TDRD1: variants seen among roughly 807,000 people sequenced by gnomAD.
The protein encoded by TDRD1 is tudor domain containing 1.
A neutral mutation model predicts 140.6 loss-of-function variants in TDRD1; 37 were observed. The observed-to-expected ratio is 0.26, with a 90% CI of 0.20 to 0.35. The LOEUF is 0.35. Ranked by LOEUF, TDRD1 falls within the 10% of genes least tolerant of loss-of-function variation. The probability of loss-of-function intolerance (pLI) is 1.00; values close to 1 mark genes in which losing one functional copy is unlikely to be tolerated. For missense variants in TDRD1, 1,243 were observed against 1,393.0 expected, an observed-to-expected ratio of 0.89 and a Z score of 1.71; for synonymous variants, 506 against 475.7, an observed-to-expected ratio of 1.06 and a Z score of -0.83.
chr10:114,201,190 A>G (rs1051364039), intron 4 of TDRD1, among the ~76,000 whole-genome samples: 1 of 152,132 alleles, frequency 6.6e-6, no homozygotes. Flanking sequence ...TCTGAGGTCT[A>G]TTAGGAAACT....
chr10:114,197,185 T>C (rs2034423581), intron 3 of TDRD1, among the ~76,000 whole-genome samples: 1 of 152,098 alleles, frequency 6.6e-6, no homozygotes, highest in African/African-American at 2.4e-5. Flanking sequence ...CCCTACCTTC[T>C]TTTGCCTTTC....
chr10:114,220,980 A>G, intron 19 of TDRD1, 137 bp downstream of exon 19: 2 of 608,836 alleles, frequency 3.3e-6, no homozygotes, highest in Non-Finnish European at 5.7e-6. Flanking sequence ...TTAATATTGT[A>G]TTATTATTAA....
At chr10:114,227,401 T>TCTC (rs768353465) in intron 23 of TDRD1, 102 bp downstream of exon 23, 7 of 846,122 alleles carry the variant, frequency 8.3e-6, no homozygotes, top group African/African-American at 1.7e-5. Flanking sequence ...TGCCATACTC[T>TCTC]CTCCTCCTCC....
At chr10:114,217,604 C>A in exon 17 of TDRD1, 5 of 1,605,372 alleles carry the variant, frequency 3.1e-6, no homozygotes, top group Non-Finnish European at 4.2e-6. Flanking sequence ...GCAGAAGTTA[C>A]CTAATGGTTT....
intron 1 of TDRD1, among the ~76,000 whole-genome samples, chr10:114,183,754 G>A (rs1202336264): frequency 4.2e-5 from 6 of 144,514 alleles, no homozygotes; most frequent in Non-Finnish European, 8.9e-5. Flanking sequence ...AAGCTGGAGT[G>A]CAGTGGCGCA....
chr10:114,186,035 A>G (rs1358122364), intron 1 of TDRD1, among the ~76,000 whole-genome samples: 3 of 152,224 alleles, frequency 2.0e-5, no homozygotes, highest in African/African-American at 7.2e-5. Flanking sequence ...AACTAAGACT[A>G]ACTCATTGAT....
At chr10:114,221,295 T>C in intron 19 of TDRD1, 62 bp from the exon 20 acceptor site, 3 of 1,480,230 alleles carry the variant, frequency 2.0e-6, no homozygotes, top group Non-Finnish European at 2.8e-6. Context: ...AATATGTTAC[T>C]GAGGAAAACA....
chr10:114,215,488 T>C (rs1288817526), intron 16 of TDRD1, among the ~76,000 whole-genome samples: 2 of 152,196 alleles, frequency 1.3e-5, no homozygotes, highest in East Asian at 3.8e-4. Flanking sequence ...CTGAAGTGAT[T>C]CAGAAACATC....
intron 5 of TDRD1, 41 bp from the exon 6 acceptor site, chr10:114,202,197 C>T: frequency 6.6e-7 from 1 of 1,510,778 alleles, no homozygotes; most frequent in Non-Finnish European, 9.1e-7. Context: ...ATGTTAATTG[C>T]CTCTGTAGTA....
chr10:114,208,621 A>G (rs1459621555), intron 11 of TDRD1, among the ~76,000 whole-genome samples: 3 of 152,120 alleles, frequency 2.0e-5, no homozygotes, highest in African/African-American at 7.2e-5. Flanking sequence ...TGTGCTATTT[A>G]TGACACTGTA....
intron 1 of TDRD1, among the ~76,000 whole-genome samples, chr10:114,186,588 C>T (rs956067607): frequency 6.6e-6 from 1 of 152,098 alleles, no homozygotes; most frequent in Admixed American, 6.6e-5. Context: ...TGTAATTGAA[C>T]GACATTGCTC....
chr10:114,183,502 A>AT (rs1336514702), intron 1 of TDRD1, among the ~76,000 whole-genome samples: 1 of 152,164 alleles, frequency 6.6e-6, no homozygotes, highest in African/African-American at 2.4e-5. Context: ...ACTCATTGTT[A>AT]TTTATAATGT....
At chr10:114,227,299 G>A in exon 23 of TDRD1, 1 of 1,596,238 alleles carries the variant, frequency 6.3e-7, no homozygotes, top group Non-Finnish European at 8.6e-7. Flanking sequence ...TTTAAATACA[G>A]GTATTCTTTT....
intron 25 of TDRD1, chr10:114,228,556 G>A (rs771758515): frequency 9.1e-6 from 9 of 990,188 alleles, no homozygotes; most frequent in South Asian, 9.3e-5. Context: ...GGCCAAGAAC[G>A]GAAAGTGGAT....
chr10:114,218,086 G>A (rs2035925168), intron 17 of TDRD1, among the ~76,000 whole-genome samples: 1 of 152,104 alleles, frequency 6.6e-6, no homozygotes, highest in South Asian at 2.1e-4. Context: ...AGTACCAAGA[G>A]TATTATACAT....
chr10:114,228,422 G>A, intron 25 of TDRD1: 1 of 1,088,192 alleles, frequency 9.2e-7, no homozygotes. Flanking sequence ...GGAGGGACTT[G>A]TAAAACTTGT....
chr10:114,226,095 T>C (rs547450059), exon 22 of TDRD1: 5 of 1,613,968 alleles, frequency 3.1e-6, no homozygotes, highest in Non-Finnish European at 4.2e-6. Context: ...CATCAGACAC[T>C]GATGTGGAAG....
rs752387399 is a variant in TDRD1, at chr10:114,201,401, G to A, written c.530-9G>A. The A allele has an allele frequency of 6.2e-7, 1 of 1,612,538 alleles. No individual in the cohort carries two copies. The highest frequency in any genetic ancestry group is 1.1e-5 in the South Asian group (1 of 91,030). On this transcript the variant is annotated splice_polypyrimidine_tract_variant and intron_variant, in intron 4 of 25. Coordinates refer to ENST00000251864, the Ensembl canonical transcript of TDRD1. ...TCATCTGAACTATTTTGTGGGTGGT[G>A]TTTTCTAGGATCGCTGAGGTGCTCT...
At chr10:114,225,571 A>G (rs963358262) in intron 21 of TDRD1, among the ~76,000 whole-genome samples, 1 of 152,232 alleles carries the variant, frequency 6.6e-6, no homozygotes, top group South Asian at 2.1e-4. Flanking sequence ...AAAAAAAAAA[A>G]AAATCTGGCC....
Sources: gnomAD v4.1 joint callset for allele counts (sites outside exome capture counted in the v4.1 genomes callset) on GRCh38, gnomAD v4.1.1 for gene constraint, MANE v1.5 for transcripts, NCBI Gene and HGNC (gene_info 2026-07-23, HGNC 2026-07-21) for gene names.